KCNH5: variants seen among roughly 807,000 people sequenced by gnomAD.
The protein encoded by KCNH5 is voltage-gated delayed rectifier potassium channel KCNH5.
KCNH5 carries 46 observed loss-of-function variants against 96.1 expected under a neutral mutation model. The observed-to-expected ratio is 0.48, with a 90% CI of 0.38 to 0.61. The LOEUF is 0.61. Ranked by LOEUF, KCNH5 falls within the 20% of genes least tolerant of loss-of-function variation. The pLI is 0.00. For synonymous variants in KCNH5, 439 were observed against 449.8 expected (o/e 0.98, Z 0.30); for missense variants, 907 against 1,225.8 (o/e 0.74, Z 3.88).
intron 7 of KCNH5, among the ~76,000 whole-genome samples, chr14:62,925,017 T>C (rs182617297): frequency 2.0e-5 from 3 of 152,144 alleles, no homozygotes; most frequent in Admixed American, 1.3e-4. Context: ...ATTAGCTTCA[T>C]TGGGATAATC....
At chr14:62,911,022 T>C (rs1243529764) in intron 7 of KCNH5, among the ~76,000 whole-genome samples, 1 of 152,132 alleles carries the variant, frequency 6.6e-6, no homozygotes, top group Non-Finnish European at 1.5e-5. Context: ...CTTATTTCTC[T>C]ATTTTCTCTC....
chr14:62,958,115 T>C (rs1383166701), intron 6 of KCNH5, among the ~76,000 whole-genome samples: 2 of 152,126 alleles, frequency 1.3e-5, no homozygotes, highest in Non-Finnish European at 2.9e-5. Flanking sequence ...TACAACATTA[T>C]CCCAAATAGG....
chr14:62,991,811 G>A (rs994663728), intron 4 of KCNH5, among the ~76,000 whole-genome samples: 4 of 151,976 alleles, frequency 2.6e-5, no homozygotes, highest in African/African-American at 9.7e-5. Flanking sequence ...AAAAGCAGAA[G>A]CCATAAGAAA....
intron 7 of KCNH5, among the ~76,000 whole-genome samples, chr14:62,892,943 G>A (rs2140086619): frequency 6.6e-6 from 1 of 152,250 alleles, no homozygotes; most frequent in South Asian, 2.1e-4. Flanking sequence ...TGTACAAGAA[G>A]ATGAATATTG....
chr14:62,946,799 C>G (rs963683492), intron 7 of KCNH5, among the ~76,000 whole-genome samples: 1 of 152,070 alleles, frequency 6.6e-6, no homozygotes, highest in South Asian at 2.1e-4. Flanking sequence ...GGGCATTATG[C>G]TGAGCGGAGA....
At chr14:62,949,127 C>G (rs1889951007) in intron 7 of KCNH5, among the ~76,000 whole-genome samples, 1 of 152,018 alleles carries the variant, frequency 6.6e-6, no homozygotes, top group South Asian at 2.1e-4. Context: ...TCTCACCACT[C>G]CTATTCAACA....
chr14:62,986,388 A>G (rs1280817056), intron 5 of KCNH5, among the ~76,000 whole-genome samples: 2 of 152,136 alleles, frequency 1.3e-5, no homozygotes, highest in Non-Finnish European at 2.9e-5. Flanking sequence ...CCATTTCACT[A>G]TATGCCACCC....
At chr14:62,923,902 G>T (rs1323573100) in intron 7 of KCNH5, among the ~76,000 whole-genome samples, 2 of 151,784 alleles carry the variant, frequency 1.3e-5, no homozygotes, top group African/African-American at 4.8e-5. Context: ...CCTTAAAATT[G>T]GTCTTGGCAA....
In KCNH5 at chr14:62,972,448, T is replaced by G. The variant is rs192473240; in HGVS notation, c.942+8424A>C. On this transcript the variant is annotated intron_variant, in intron 6 of 10. Transcript: ENST00000322893. ...CTTTGGAAAACAGACAGTTTGAAAG[T>G]TTCTTACAAAAGTAAACATAGTCTT... 1.2e-4 allele frequency among the ~76,000 whole-genome samples: 19 copies of G among 152,326 alleles called. No homozygotes were observed. The East Asian group carries it at 3.7e-3, about 29-fold the overall frequency.
chr14:62,864,352 A>G (rs1243003939), intron 7 of KCNH5, among the ~76,000 whole-genome samples: 1 of 152,216 alleles, frequency 6.6e-6, no homozygotes, highest in East Asian at 1.9e-4. Context: ...ACTCTTCTCC[A>G]AACTGGTTTT....
Position 62,707,579 on chromosome 14 carries a change from G to T in KCNH5, c.2896C>A (p.Pro966Thr). ...QMPLQVPPQIPCQDIFSVSRP... is the reference protein window; with the variant it reads ...QMPLQVPPQITCQDIFSVSRP... ...GAGACACTAAAAATATCCTGACATG[G>T]TATCTGGGGGGGTACTTGGAGTGGC... Residue 966 changes from proline to threonine, a missense_variant, in exon 11 of 11, where the codon CCA (proline) becomes ACA (threonine). Around this residue, in one of 6 missense-constraint regions of KCNH5, gnomAD observed 362 missense variants for 394.4 expected, o/e 0.92. Coordinates refer to ENST00000322893, the MANE Select transcript of KCNH5 (RefSeq NM_139318.5). The T allele has an allele frequency of 3.9e-6, 6 of 1,519,564 alleles. No individual in the cohort carries two copies. In the South Asian group the frequency reaches 5.4e-5, roughly 14 times the overall value. 94.1% of individuals were successfully genotyped at this position (1,519,564 alleles called of 1,614,324 possible). A position where few individuals can be genotyped will look rare whatever the true frequency, so the allele number is the denominator to read the frequency against.
chr14:62,997,832 G>A (rs1003374556), intron 4 of KCNH5, among the ~76,000 whole-genome samples: 5 of 148,280 alleles, frequency 3.4e-5, no homozygotes, highest in East Asian at 2.0e-4. Flanking sequence ...CCTGGGAGAC[G>A]GAGCTTGCAG....
intron 8 of KCNH5, among the ~76,000 whole-genome samples, chr14:62,812,610 AC>A (rs199507835): frequency 1.3e-5 from 2 of 148,166 alleles, no homozygotes; most frequent in East Asian, 2.0e-4. Context: ...ATGATAATTA[AC>A]AGAGAAGGCA....
intron 10 of KCNH5, among the ~76,000 whole-genome samples, chr14:62,716,303 A>C (rs1239656221): frequency 6.6e-6 from 1 of 152,184 alleles, no homozygotes; most frequent in African/African-American, 2.4e-5. Context: ...CCTTGCCTCA[A>C]TTTTTAGTCT....
At chr14:63,006,151 G>A (rs986787647) in intron 3 of KCNH5, among the ~76,000 whole-genome samples, 1 of 152,034 alleles carries the variant, frequency 6.6e-6, no homozygotes, top group Non-Finnish European at 1.5e-5. Flanking sequence ...ATATTAAGAT[G>A]CATCACATTT....
intron 7 of KCNH5, among the ~76,000 whole-genome samples, chr14:62,887,401 G>C (rs1205783071): frequency 6.6e-6 from 1 of 152,182 alleles, no homozygotes; most frequent in Non-Finnish European, 1.5e-5. Context: ...TTCAATGTCA[G>C]TATTTGAAGG....
intron 10 of KCNH5, among the ~76,000 whole-genome samples, chr14:62,741,412 C>T (rs1224522580): frequency 6.6e-6 from 1 of 152,054 alleles, no homozygotes; most frequent in African/African-American, 2.4e-5. Context: ...ACCTGCACAC[C>T]TAGTAGCACA....
At position 62,964,817 on chromosome 14, in the gene KCNH5, C is replaced by T. The variant is rs568675602; in HGVS notation, c.943-14258G>A. ...AGGGTAGATGTCAAACTTTGATAAG[C>T]ACCAATTATCAAATGATTAGATGAC... On this transcript the variant is annotated intron_variant, in intron 6 of 10. Transcript: ENST00000322893. 8.5e-5 allele frequency among the ~76,000 whole-genome samples: 13 copies of T among 152,136 alleles called. 1 individual carries two copies. In the South Asian group the frequency reaches 2.7e-3, roughly 32 times the overall value.
At position 62,969,896 on chromosome 14, in the gene KCNH5, T is replaced by C. The variant is rs372317478; in HGVS notation, c.942+10976A>G. 2.1e-4 allele frequency among the ~76,000 whole-genome samples: 31 copies of C among 150,090 alleles called. No homozygotes were observed. In the East Asian group the frequency reaches 3.5e-3, roughly 17 times the overall value. ...GGGCAACGCGGTGAAACCCTGTCTC[T>C]ATCAAGATACAAAAAATTAGCCAGG... On this transcript the variant is annotated intron_variant, in intron 6 of 10. Transcript: ENST00000322893.
Sources: gnomAD v4.1 joint callset for allele counts (sites outside exome capture counted in the v4.1 genomes callset) on GRCh38, gnomAD v4.1.1 for gene constraint, gnomAD v4.1.1 regional missense constraint, MANE v1.5 for transcripts, NCBI Gene and HGNC (gene_info 2026-07-23, HGNC 2026-07-21) for gene names.